The following ADAMTSL3 variants were observed in gnomAD, a reference collection of about 807,000 sequenced individuals.
ADAMTSL3 encodes ADAMTS-like protein 3.
In ADAMTSL3, 128 loss-of-function variants were observed where a neutral mutation model predicts 201.7. The ratio of observed to expected loss-of-function variants is 0.63; its 90% CI spans 0.55 to 0.73. The LOEUF is 0.73. Among genes scored for constraint, ADAMTSL3 ranks in the 30% least tolerant of loss-of-function variants. ADAMTSL3 has a pLI of 0.00. For synonymous variants in ADAMTSL3, 738 were observed against 748.4 expected, an observed-to-expected ratio of 0.99 and a Z score of 0.23; for missense variants, 1,990 against 2,119.6, an observed-to-expected ratio of 0.94 and a Z score of 1.20.
intron 16 of ADAMTSL3, 31 bp downstream of exon 16, chr15:83,913,409 T>C (rs373376491): frequency 6.3e-7 from 1 of 1,599,298 alleles, no homozygotes; most frequent in Non-Finnish European, 8.5e-7. Context: ...GGGACAGTTA[T>C]GTTGTGTGTT....
chr15:84,036,785 A>G lies in ADAMTSL3; in HGVS notation c.4767A>G (p.Arg1589=). The G allele has an allele frequency of 6.2e-7, 1 of 1,609,054 alleles. No individual in the cohort carries two copies. The highest frequency in any genetic ancestry group is 8.5e-7 in the Non-Finnish European group (1 of 1,177,324). Residue 1589 remains arginine, a synonymous_variant, in exon 29 of 30, where the codon AGA becomes AGG. Coordinates refer to ENST00000286744, the MANE Select transcript of ADAMTSL3 (RefSeq NM_207517.3). The part of the protein sequence containing the change: ...NCDDRKRPTL[R]RNCTSGACDV... The stretch of plus-strand genomic sequence containing the variant: ...TTTTTCACTTCAGACCCACCTTAAG[A>G]AGGAACTGCACATCAGGGGCCTGTG...
intron 2 of ADAMTSL3, among the ~76,000 whole-genome samples, chr15:83,703,895 T>C (rs972034461): frequency 6.6e-6 from 1 of 151,730 alleles, no homozygotes; most frequent in Non-Finnish European, 1.5e-5. Context: ...GAAAAGATTA[T>C]GGGTGATTTT....
intron 9 of ADAMTSL3, among the ~76,000 whole-genome samples, chr15:83,883,724 G>C (rs1189894284): frequency 6.6e-6 from 1 of 151,396 alleles, no homozygotes; most frequent in South Asian, 2.1e-4. Flanking sequence ...ACCACACCTG[G>C]CTAATTTTAA....
rs1050681917 is a variant in ADAMTSL3 at position 83,819,692 on chromosome 15, T to C, written c.364-119T>C. On this transcript the variant is annotated intron_variant, in intron 5 of 29. Transcript: ENST00000286744. ...AAAAAAAAAAAAAGAGGGAATTAGG[T>C]GACTCCCAGAGAGAGGCAAGTGAGG... The C allele has an allele frequency of 4.7e-5, 33 of 700,498 alleles. No homozygotes were observed. In the Admixed American group the frequency reaches 7.9e-4, roughly 17 times the overall value. The allele number at this position is 700,498 out of a possible 1,614,324, so 43.4% of individuals were successfully genotyped here. A position where few individuals can be genotyped will look rare whatever the true frequency, so the allele number is the denominator to read the frequency against.
chr15:83,887,666 G>A (rs1364309369), intron 10 of ADAMTSL3, among the ~76,000 whole-genome samples: 2 of 152,108 alleles, frequency 1.3e-5, no homozygotes, highest in South Asian at 2.1e-4. Context: ...AGTTGCCCAG[G>A]CTAGACTCAA....
chr15:83,791,717 G>A (rs146093059), intron 4 of ADAMTSL3, among the ~76,000 whole-genome samples: 2,379 of 151,986 alleles, frequency 0.016, 71 homozygotes, highest in African/African-American at 0.055. Context: ...AAAAATTGCC[G>A]GGCATGGTAG....
chr15:84,032,454 T>A (rs2068426794), intron 28 of ADAMTSL3, among the ~76,000 whole-genome samples: 1 of 152,218 alleles, frequency 6.6e-6, no homozygotes, highest in Non-Finnish European at 1.5e-5. Context: ...ACGGCTGCTC[T>A]CATTCTCAAC....
chr15:83,670,836 C>T (rs548384777), intron 2 of ADAMTSL3, among the ~76,000 whole-genome samples: 218 of 152,316 alleles, frequency 1.4e-3, no homozygotes, highest in Middle Eastern at 0.014. Context: ...GGGATGGTAT[C>T]TCCTGGGCTA....
intron 4 of ADAMTSL3, among the ~76,000 whole-genome samples, chr15:83,781,105 A>G (rs1447481690): frequency 6.6e-6 from 1 of 152,226 alleles, no homozygotes; most frequent in Non-Finnish European, 1.5e-5. Context: ...TAGAAAAAAA[A>G]AACTATTTTA....
rs1421881520 is a variant in ADAMTSL3 at position 83,780,241 on chromosome 15, CT to C, written c.317+6592del. 8.5e-5 allele frequency among the ~76,000 whole-genome samples: 13 copies of C among 152,054 alleles called. 1 individual carries two copies. Among genetic ancestry groups the C allele is most frequent in the African/African-American group, 2.9e-4 (12 of 41,470 alleles). ...CCTGACCAACATGGTGAAACCCTGT[CT>C]CTATTAAAAATACAAAAATTAGCTG... On this transcript the variant is annotated intron_variant, in intron 4 of 29. Transcript: ENST00000286744.
chr15:83,957,599 A>G (rs2066885501), intron 19 of ADAMTSL3, among the ~76,000 whole-genome samples: 1 of 152,178 alleles, frequency 6.6e-6, no homozygotes, highest in African/African-American at 2.4e-5. Flanking sequence ...GGACATGAGC[A>G]AAAAAGAGGA....
chr15:83,988,854 CTTTA>C, intron 22 of ADAMTSL3, 36 bp downstream of exon 22: 1 of 1,317,106 alleles, frequency 7.6e-7, no homozygotes, highest in South Asian at 2.5e-5. Flanking sequence ...ATGCCTGGTT[CTTTA>C]TTTTTTATTT....
chr15:83,780,923 G>T (rs1238908791), intron 4 of ADAMTSL3, among the ~76,000 whole-genome samples: 1 of 152,090 alleles, frequency 6.6e-6, no homozygotes, highest in Non-Finnish European at 1.5e-5. Context: ...TTTCTACAAG[G>T]ATAACTACAA....
rs928103716 is a variant in ADAMTSL3 at position 84,036,702 on chromosome 15, G to A, written c.4755-71G>A. 11 of 1,252,874 alleles carry A rather than the reference G, an allele frequency of 8.8e-6. No homozygotes were observed. In the African/African-American group the frequency reaches 1.4e-4, roughly 16 times the overall value. 77.6% of individuals were successfully genotyped at this position (1,252,874 alleles called of 1,614,324 possible). A position where few individuals can be genotyped will look rare whatever the true frequency, so the allele number is the denominator to read the frequency against. Reference sequence around the variant, plus strand: ...GTATAGAGTAAGGTAAAAAGGCTTGGTCCCAGCAAAAAGTTACACCCTGCC... The same window carrying A: ...GTATAGAGTAAGGTAAAAAGGCTTGATCCCAGCAAAAAGTTACACCCTGCC... On this transcript the variant is annotated intron_variant, in intron 28 of 29. Transcript: ENST00000286744.
chr15:83,971,712 T>C (rs189547746), intron 20 of ADAMTSL3, among the ~76,000 whole-genome samples: 2 of 150,960 alleles, frequency 1.3e-5, no homozygotes, highest in African/African-American at 4.8e-5. Flanking sequence ...ACAGGCATAG[T>C]GGAAATAACA....
chr15:83,861,974 C>T (rs1037574053), intron 8 of ADAMTSL3: 1 of 152,172 alleles, frequency 6.6e-6, no homozygotes, highest in Non-Finnish European at 1.5e-5. Context: ...GACGAATGCA[C>T]AAGCCTCAGT....
chr15:83,669,738 G>A (rs1025376614), intron 2 of ADAMTSL3, among the ~76,000 whole-genome samples: 2 of 151,716 alleles, frequency 1.3e-5, no homozygotes, highest in African/African-American at 4.8e-5. Context: ...AAAGTGCTGG[G>A]ATTACAGGTG....
intron 15 of ADAMTSL3, among the ~76,000 whole-genome samples, chr15:83,908,344 T>G (rs2065877295): frequency 6.6e-6 from 1 of 152,224 alleles, no homozygotes; most frequent in African/African-American, 2.4e-5. Context: ...TAGAATTTGT[T>G]TGAAGCACTG....
At chr15:83,969,921 G>A (rs577553154) in intron 19 of ADAMTSL3, among the ~76,000 whole-genome samples, 6 of 152,014 alleles carry the variant, frequency 3.9e-5, no homozygotes, top group African/African-American at 1.2e-4. Context: ...AAACAAACAG[G>A]CAACAAAAAA....
Sources: allele counts gnomAD v4.1 joint callset (sites outside exome capture counted in the v4.1 genomes callset), GRCh38; gene constraint gnomAD v4.1.1; transcripts MANE v1.5; gene names NCBI Gene and HGNC (gene_info 2026-07-23, HGNC 2026-07-21).